The following DLGAP2 variants were observed in gnomAD, a reference collection of about 807,000 sequenced individuals.
DLGAP2 encodes the protein disks large-associated protein 2.
A neutral mutation model predicts 100.3 loss-of-function variants in DLGAP2; 26 were observed. The ratio of observed to expected loss-of-function variants is 0.26; its 90% CI spans 0.19 to 0.36. DLGAP2 has a LOEUF of 0.36. Ranked by LOEUF, DLGAP2 falls within the 10% of genes least tolerant of loss-of-function variation. The probability of loss-of-function intolerance (pLI) is 1.00; values close to 1 mark genes in which losing one functional copy is unlikely to be tolerated. For missense variants in DLGAP2, 1,858 were observed against 1,453.2 expected (o/e 1.28, Z -4.53); for synonymous variants, 886 against 630.1 (o/e 1.41, Z -6.08).
intron 3 of DLGAP2, among the ~76,000 whole-genome samples, chr8:1,392,206 G>C (rs754630356): frequency 6.6e-6 from 1 of 152,192 alleles, no homozygotes; most frequent in Non-Finnish European, 1.5e-5. Context: ...GGAACACCCA[G>C]ATTATGGACG....
intron 2 of DLGAP2, among the ~76,000 whole-genome samples, chr8:1,218,164 A>G (rs1798248922): frequency 6.6e-6 from 1 of 152,188 alleles, no homozygotes; most frequent in South Asian, 2.1e-4. Context: ...ATGTTTGCCA[A>G]CACTATGTTC....
intron 1 of DLGAP2, among the ~76,000 whole-genome samples, chr8:839,300 A>G (rs1796938763): frequency 6.6e-6 from 1 of 152,228 alleles, no homozygotes. Flanking sequence ...CTGCAGCATT[A>G]TTTATAGTAG....
At chr8:1,060,514 G>C (rs1803048842) in intron 2 of DLGAP2, among the ~76,000 whole-genome samples, 1 of 151,654 alleles carries the variant, frequency 6.6e-6, no homozygotes, top group Non-Finnish European at 1.5e-5. Context: ...GGGTCTCTGT[G>C]TCCTGAGCGT....
At chr8:900,095 G>C (rs749289717) in intron 1 of DLGAP2, among the ~76,000 whole-genome samples, 3 of 152,238 alleles carry the variant, frequency 2.0e-5, no homozygotes, top group Non-Finnish European at 2.9e-5. Context: ...GCACTGGGTG[G>C]ATGGTGGGCG....
chr8:1,163,949 A>G (rs926651002), intron 2 of DLGAP2, among the ~76,000 whole-genome samples: 1 of 152,188 alleles, frequency 6.6e-6, no homozygotes, highest in Non-Finnish European at 1.5e-5. Context: ...GAGGTGGTGG[A>G]GCCGCCTGCC....
At chr8:1,383,122 C>T (rs185877411) in intron 3 of DLGAP2, among the ~76,000 whole-genome samples, 3 of 152,276 alleles carry the variant, frequency 2.0e-5, no homozygotes, top group Admixed American at 2.0e-4. Flanking sequence ...TGTGACATTG[C>T]AGGGATCATC....
At chr8:1,293,073 C>G (rs1227565385) in intron 3 of DLGAP2, among the ~76,000 whole-genome samples, 1 of 152,126 alleles carries the variant, frequency 6.6e-6, no homozygotes, top group Non-Finnish European at 1.5e-5. Context: ...CAACCTGACC[C>G]ACAAGTGGGG....
intron 2 of DLGAP2, among the ~76,000 whole-genome samples, chr8:1,125,451 G>T (rs189254129): frequency 6.6e-6 from 1 of 152,088 alleles, no homozygotes; most frequent in East Asian, 1.9e-4. Flanking sequence ...CCAATTGTAG[G>T]TACTATATTT....
intron 3 of DLGAP2, among the ~76,000 whole-genome samples, chr8:1,348,365 G>A (rs370393800): frequency 5.2e-4 from 78 of 149,240 alleles, no homozygotes; most frequent in Non-Finnish European, 1.0e-3. Context: ...TGCACTCATG[G>A]TAGCTGTGTG....
intron 2 of DLGAP2, among the ~76,000 whole-genome samples, chr8:1,232,706 A>C (rs1489389523): frequency 6.6e-6 from 1 of 152,236 alleles, no homozygotes; most frequent in East Asian, 1.9e-4. Flanking sequence ...AACACAAGAC[A>C]AGGTGCATGT....
At chr8:1,618,143 A>G (rs957045689) in intron 6 of DLGAP2, among the ~76,000 whole-genome samples, 1 of 152,190 alleles carries the variant, frequency 6.6e-6, no homozygotes, top group African/African-American at 2.4e-5. Flanking sequence ...CACGAAATTT[A>G]AAAGGAAGGA....
intron 1 of DLGAP2, among the ~76,000 whole-genome samples, chr8:783,158 C>T (rs557637921): frequency 2.6e-5 from 4 of 152,198 alleles, no homozygotes; most frequent in African/African-American, 9.7e-5. Context: ...AACTTTCTTA[C>T]CTCAAGAAGT....
intron 4 of DLGAP2, among the ~76,000 whole-genome samples, chr8:1,513,437 A>G (rs1800249489): frequency 6.6e-6 from 1 of 151,960 alleles, no homozygotes; most frequent in African/African-American, 2.4e-5. Context: ...GGTGGGATAC[A>G]CGTCCGCCTT....
chr8:1,350,635 G>T (rs1490246176), intron 3 of DLGAP2, among the ~76,000 whole-genome samples: 1 of 91,658 alleles, frequency 1.1e-5, no homozygotes, highest in Non-Finnish European at 2.2e-5. Flanking sequence ...TGGAAAGGCC[G>T]TGCGGGTCCT....
At chr8:1,296,523 C>T (rs970114335) in intron 3 of DLGAP2, among the ~76,000 whole-genome samples, 10 of 144,756 alleles carry the variant, frequency 6.9e-5, no homozygotes, top group Admixed American at 1.4e-4. Context: ...TGATCTTTGT[C>T]GCTGCCTATC....
intron 2 of DLGAP2, among the ~76,000 whole-genome samples, chr8:1,022,850 C>T (rs570710776): frequency 3.3e-5 from 5 of 152,252 alleles, no homozygotes; most frequent in Non-Finnish European, 7.3e-5. Context: ...GTAGACACTC[C>T]TTCCTTGTTG....
At chr8:1,602,896 C>G (rs757116769) in intron 6 of DLGAP2, among the ~76,000 whole-genome samples, 3 of 152,160 alleles carry the variant, frequency 2.0e-5, no homozygotes, top group Non-Finnish European at 4.4e-5. Context: ...TGTGTAGCAC[C>G]CTAAAGGTGT....
At chr8:816,248 A>G (rs1796474454) in intron 1 of DLGAP2, among the ~76,000 whole-genome samples, 1 of 147,140 alleles carries the variant, frequency 6.8e-6, no homozygotes, top group Non-Finnish European at 1.5e-5. Context: ...TCCATTCATC[A>G]TGCTATTTGT....
intron 10 of DLGAP2, among the ~76,000 whole-genome samples, chr8:1,673,234 A>C (rs1421272221): frequency 3.9e-5 from 6 of 152,194 alleles, no homozygotes; most frequent in Non-Finnish European, 8.8e-5. Context: ...AGCCTTGCAG[A>C]GCACTGGGAT....
Sources: gnomAD v4.1 joint callset for allele counts (sites outside exome capture counted in the v4.1 genomes callset) on GRCh38, gnomAD v4.1.1 for gene constraint, MANE v1.5 for transcripts, NCBI Gene and HGNC (gene_info 2026-07-23, HGNC 2026-07-21) for gene names.